The following ABCD3 variants were observed in gnomAD, a reference collection of about 807,000 sequenced individuals.
ABCD3 encodes the protein ATP binding cassette subfamily D member 3, also known as ATP-binding cassette sub-family D member 3.
In ABCD3, 41 loss-of-function variants were observed where a neutral mutation model predicts 105.5. The observed-to-expected ratio is 0.39, with a 90% confidence interval of 0.30 to 0.50. The LOEUF is 0.50. Among genes scored for constraint, ABCD3 ranks in the 20% least tolerant of loss-of-function variants. The probability of loss-of-function intolerance (pLI) is 0.84; values close to 1 mark genes in which losing one functional copy is unlikely to be tolerated. For missense variants in ABCD3, 622 were observed against 806.3 expected, an observed-to-expected ratio of 0.77 and a Z score of 2.77; for synonymous variants, 258 against 269.0, an observed-to-expected ratio of 0.96 and a Z score of 0.40.
intron 16 of ABCD3, among the ~76,000 whole-genome samples, chr1:94,496,527 C>T (rs1017375880): frequency 2.6e-5 from 4 of 151,472 alleles, no homozygotes; most frequent in Admixed American, 1.3e-4. Context: ...CTTGCTTCCA[C>T]CTTTTGGCTA....
chr1:94,509,749 C>A (rs1650567689), intron 21 of ABCD3, among the ~76,000 whole-genome samples: 2 of 152,300 alleles, frequency 1.3e-5, no homozygotes, highest in Non-Finnish European at 2.9e-5. Flanking sequence ...TTATCCATTT[C>A]TTCTAGATTT....
intron 1 of ABCD3, among the ~76,000 whole-genome samples, chr1:94,455,358 T>G (rs956144967): frequency 6.6e-6 from 1 of 151,302 alleles, no homozygotes; most frequent in East Asian, 1.9e-4. Flanking sequence ...CGAGTTTTGC[T>G]CTTATTGCCC....
intron 15 of ABCD3, 42 bp from the exon 16 acceptor site, chr1:94,491,142 T>C (rs1370156453): frequency 7.1e-7 from 1 of 1,409,122 alleles, no homozygotes; most frequent in Admixed American, 1.7e-5. Context: ...TAGTTCCTTA[T>C]ATACTTTAAA....
the ABCD3 span, among the ~76,000 whole-genome samples, chr1:94,385,212 A>G: frequency 1.2e-4 from 19 of 152,302 alleles, no homozygotes; most frequent in African/African-American, 3.4e-4. Context: ...CTTAGCTGAC[A>G]GAAGGGGCAC....
intron 2 of ABCD3, among the ~76,000 whole-genome samples, chr1:94,462,154 A>C (rs957512827): frequency 2.6e-5 from 4 of 152,092 alleles, no homozygotes; most frequent in Non-Finnish European, 5.9e-5. Flanking sequence ...CTTTTTCTAT[A>C]ATGTTCATGT....
chr1:94,493,195 C>T (rs1047879968), intron 16 of ABCD3, among the ~76,000 whole-genome samples: 2 of 151,870 alleles, frequency 1.3e-5, no homozygotes, highest in Non-Finnish European at 2.9e-5. Context: ...GCAACCTACT[C>T]ATCTGACAAA....
At chr1:94,457,275 A>G (rs1373057067) in intron 1 of ABCD3, among the ~76,000 whole-genome samples, 2 of 152,210 alleles carry the variant, frequency 1.3e-5, no homozygotes, top group East Asian at 3.8e-4. Context: ...CATATAAATA[A>G]TCATATTTAA....
the ABCD3 span, among the ~76,000 whole-genome samples, chr1:94,403,244 T>C: frequency 1.2e-4 from 18 of 152,178 alleles, no homozygotes; most frequent in African/African-American, 4.1e-4. Flanking sequence ...TTATGCATTC[T>C]AGGCTGGAAT....
At chr1:94,511,601 C>A (rs1650675983) in intron 21 of ABCD3, among the ~76,000 whole-genome samples, 1 of 152,068 alleles carries the variant, frequency 6.6e-6, no homozygotes, top group African/African-American at 2.4e-5. Context: ...CAACTTGGTT[C>A]CATTCTCCCC....
At chr1:94,417,724 A>G (rs371994921), upstream of ABCD3, among the ~76,000 whole-genome samples, 20 of 152,328 alleles carry the variant, frequency 1.3e-4, no homozygotes, top group South Asian at 1.7e-3. Flanking sequence ...CTCCTTTACT[A>G]CGTGATGTAC....
At chr1:94,488,946 A>G (rs1649402265) in intron 13 of ABCD3, among the ~76,000 whole-genome samples, 1 of 151,810 alleles carries the variant, frequency 6.6e-6, no homozygotes, top group Admixed American at 6.6e-5. Flanking sequence ...ATTGACATAT[A>G]AGAAACTGTT....
intron 9 of ABCD3, chr1:94,481,875 C>T (rs957053505): frequency 2.6e-5 from 4 of 152,004 alleles, no homozygotes; most frequent in Non-Finnish European, 5.9e-5. Context: ...CAGTTGGGAC[C>T]CTAAATGGGG....
At chr1:94,489,550 C>T (rs1020793261) in intron 13 of ABCD3, among the ~76,000 whole-genome samples, 175 bp from the exon 14 acceptor site, 9 of 149,008 alleles carry the variant, frequency 6.0e-5, no homozygotes, top group African/African-American at 2.2e-4. Flanking sequence ...TATTCCTGCT[C>T]TCCTACTGAA....
the ABCD3 span, among the ~76,000 whole-genome samples, chr1:94,390,388 T>G: frequency 6.6e-6 from 1 of 152,084 alleles, no homozygotes; most frequent in Non-Finnish European, 1.5e-5. Flanking sequence ...CTGCAACCTC[T>G]GCCCCCTGGG....
intron 1 of ABCD3, among the ~76,000 whole-genome samples, chr1:94,429,088 G>A (rs1659578470): frequency 6.6e-6 from 1 of 152,172 alleles, no homozygotes; most frequent in Non-Finnish European, 1.5e-5. Flanking sequence ...TGGAGCAAAG[G>A]TGACTCTTGT....
At chr1:94,439,836 G>C (rs535860372) in intron 1 of ABCD3, among the ~76,000 whole-genome samples, 11 of 152,010 alleles carry the variant, frequency 7.2e-5, no homozygotes, top group South Asian at 2.1e-4. Flanking sequence ...ATTTTATGCT[G>C]TGAGTTTATG....
the ABCD3 span, among the ~76,000 whole-genome samples, chr1:94,403,203 GTTCTGAT>G: frequency 6.6e-6 from 1 of 151,946 alleles, no homozygotes; most frequent in Non-Finnish European, 1.5e-5. Context: ...GTCTTAGGTT[GTTCTGAT>G]GTTTCCTCAT....
chr1:94,483,624 C>T (rs553994147), intron 10 of ABCD3, among the ~76,000 whole-genome samples: 5 of 152,140 alleles, frequency 3.3e-5, no homozygotes, highest in South Asian at 4.1e-4. Flanking sequence ...CTTCCTTACA[C>T]CTTATATAAA....
At chr1:94,475,536 G>T in intron 6 of ABCD3, 78 bp from the exon 7 acceptor site, 1 of 1,437,652 alleles carries the variant, frequency 7.0e-7, no homozygotes, top group South Asian at 1.2e-5. Context: ...GAGCTAGGTG[G>T]TGTAATATGA....
Sources: gnomAD v4.1 joint callset for allele counts (sites outside exome capture counted in the v4.1 genomes callset) on GRCh38, gnomAD v4.1.1 for gene constraint, MANE v1.5 for transcripts, NCBI Gene and HGNC (gene_info 2026-07-23, HGNC 2026-07-21) for gene names.